Variants in FARP1 observed in about 807,000 individuals in gnomAD.
FARP1 encodes the protein FERM, ARH/RhoGEF and pleckstrin domain protein 1, also known as FERM, ARHGEF and pleckstrin domain-containing protein 1.
Under a neutral mutation model 128.8 loss-of-function variants are expected in FARP1, and 52 were observed. That is an observed-to-expected ratio of 0.40 (90% CI 0.32 to 0.51). The LOEUF (loss-of-function observed/expected upper bound fraction) is 0.51, where lower values mean the gene tolerates loss of function less well. FARP1 is among the 20% of genes least tolerant of loss of function. The probability of loss-of-function intolerance (pLI) is 0.45; values close to 1 mark genes in which losing one functional copy is unlikely to be tolerated. For synonymous variants in FARP1, 580 were observed against 551.8 expected (o/e 1.05, Z -0.72); for missense variants, 1,333 against 1,367.9 (o/e 0.97, Z 0.40).
At chr13:98,447,020 T>TA in intron 26 of FARP1, 5 of 559,760 alleles carry the variant, frequency 8.9e-6, no homozygotes, top group Non-Finnish European at 1.3e-5. Context: ...CCTGCGCCCT[T>TA]ACCCTGCACG....
intron 1 of FARP1, among the ~76,000 whole-genome samples, chr13:98,192,546 C>T (rs555127994): frequency 5.9e-5 from 9 of 152,218 alleles, no homozygotes; most frequent in South Asian, 2.1e-4. Context: ...TCTGCTACGA[C>T]GCCTGGGTAA....
chr13:98,359,820 C>T (rs1338766013), intron 3 of FARP1, among the ~76,000 whole-genome samples: 5 of 152,200 alleles, frequency 3.3e-5, no homozygotes, highest in Non-Finnish European at 5.9e-5. Context: ...ATGATGCTCA[C>T]ACAATGCCAA....
At position 98,389,994 on chromosome 13, in the gene FARP1, G is replaced by A; in HGVS notation, c.893G>A (p.Ser298Asn). The change falls in exon 10 of 27, where the codon AGT (serine) becomes AAT (asparagine). Residue 298 changes from serine (S) to asparagine (N), a missense_variant. Physicochemically the swap from Ser to Asn is conservative, Grantham distance 46. Around this residue, in one of 2 missense-constraint regions of FARP1, gnomAD observed 324 missense variants for 398.1 expected, o/e 0.81. Transcript: ENST00000319562. Reference sequence around the variant, plus strand: ...GATACCTTGGAATTCCTGATGGCCAGTCGGGATTTCTGCAAGTCCTTCTGG... The same window carrying A: ...GATACCTTGGAATTCCTGATGGCCAATCGGGATTTCTGCAAGTCCTTCTGG... ...YQDTLEFLMA[S>N]RDFCKSFWKI... The A allele has an allele frequency of 1.9e-6, 3 of 1,614,188 alleles. No individual in the cohort carries two copies. The highest frequency in any genetic ancestry group is 2.5e-6 in the Non-Finnish European group (3 of 1,180,032).
In FARP1 at chr13:98,425,966, G is replaced by C. The variant is rs554545610; in HGVS notation, c.1905+1316G>C. On this transcript the variant is annotated intron_variant, in intron 17 of 26. Coordinates refer to ENST00000319562, the MANE Select transcript of FARP1 (RefSeq NM_005766.4). Reference sequence around the variant, plus strand: ...CCTGAATCTTAACTGCCCAGAGCCTGTATGACAACCTTAAAAACTAATAAC... The same window carrying C: ...CCTGAATCTTAACTGCCCAGAGCCTCTATGACAACCTTAAAAACTAATAAC... Among the ~76,000 whole-genome samples the C allele has an allele frequency of 3.4e-4, 52 of 152,218 alleles. No individual in the cohort carries two copies. The South Asian group carries it at 0.01, about 30-fold the overall frequency.
intron 19 of FARP1, 107 bp from the exon 20 acceptor site, chr13:98,438,697 G>C: frequency 2.3e-6 from 2 of 859,020 alleles, no homozygotes; most frequent in Non-Finnish European, 3.9e-6. Context: ...CACGCTCGCA[G>C]TCAGCCCTCA....
intron 2 of FARP1, among the ~76,000 whole-genome samples, chr13:98,306,777 G>A (rs556568364): frequency 1.2e-4 from 19 of 152,164 alleles, no homozygotes; most frequent in South Asian, 1.0e-3. Context: ...TCCTATGTTG[G>A]CCTCCCAAAG....
intron 3 of FARP1, 132 bp from the exon 4 acceptor site, chr13:98,365,263 G>T: frequency 3.2e-6 from 2 of 629,898 alleles, no homozygotes; most frequent in East Asian, 2.6e-5. Context: ...CGGCATTCTG[G>T]AGAAAAATGG....
chr13:98,248,430 T>A (rs1309558580), intron 2 of FARP1, among the ~76,000 whole-genome samples: 1 of 152,162 alleles, frequency 6.6e-6, no homozygotes, highest in African/African-American at 2.4e-5. Context: ...CATAATACAG[T>A]ATCCTTTTAT....
intron 2 of FARP1, among the ~76,000 whole-genome samples, chr13:98,237,637 T>C (rs542953052): frequency 6.6e-6 from 1 of 152,348 alleles, no homozygotes; most frequent in East Asian, 1.9e-4. Flanking sequence ...AGTGCAATAC[T>C]GTAAACTTTG....
At chr13:98,257,278 G>A (rs1438922810) in intron 2 of FARP1, among the ~76,000 whole-genome samples, 3 of 152,058 alleles carry the variant, frequency 2.0e-5, no homozygotes, top group Non-Finnish European at 4.4e-5. Context: ...ATGTGTTCTG[G>A]AAGCTTTTGG....
intron 2 of FARP1, among the ~76,000 whole-genome samples, chr13:98,289,447 C>T (rs1885348140): frequency 1.3e-5 from 2 of 152,096 alleles, no homozygotes; most frequent in South Asian, 2.1e-4. Flanking sequence ...CATCTATTTC[C>T]AATGATAGAT....
rs1889977381 is a variant in FARP1 at position 98,383,709 on chromosome 13, T to C, written c.497-1021T>C. The C allele has an allele frequency of 2.0e-5, 3 of 152,314 alleles. No individual in the cohort carries two copies. In the South Asian group the frequency reaches 6.2e-4, roughly 32 times the overall value. 9.4% of individuals were successfully genotyped at this position (152,314 alleles called of 1,614,324 possible). ...GTGTGCTGTCTCAGAGGTGTAACAA[T>C]TGGTGTACATTGACCTTGAACTAGT... On this transcript the variant is annotated intron_variant, in intron 6 of 26. Coordinates refer to ENST00000319562, the MANE Select transcript of FARP1 (RefSeq NM_005766.4).
chr13:98,202,669 A>G (rs1320932179), intron 1 of FARP1, among the ~76,000 whole-genome samples: 1 of 152,130 alleles, frequency 6.6e-6, no homozygotes, highest in Non-Finnish European at 1.5e-5. Flanking sequence ...AGTAGATTAA[A>G]TTAAAAATTG....
Position 98,431,141 on chromosome 13 carries a change from T to C in FARP1, c.2004T>C (p.Phe668=). 6.2e-7 allele frequency: 1 copy of C among 1,614,020 alleles called. No homozygotes were observed. Among genetic ancestry groups the C allele is most frequent in the Non-Finnish European group, 8.5e-7 (1 of 1,179,894 alleles). The change falls in exon 18 of 27, where the codon TTT becomes TTC. Residue 668 remains phenylalanine (F), a synonymous_variant. Coordinates refer to ENST00000319562, the MANE Select transcript of FARP1 (RefSeq NM_005766.4). ...SRRLENFCRD[F]ELQKVCYLPL... ...GGCTGGAGAACTTCTGCAGAGACTT[T>C]GAGCTGCAGAAGGTGTGTTACCTAC...
chr13:98,171,387 G>A (rs1877643136), intron 1 of FARP1, among the ~76,000 whole-genome samples: 3 of 152,180 alleles, frequency 2.0e-5, no homozygotes, highest in Admixed American at 2.0e-4. Flanking sequence ...CATTCAGCAT[G>A]AGCCTCCTGG....
rs777961559 is a variant in FARP1, at chr13:98,440,706, C to T, written c.2666C>T (p.Ser889Leu). ...PDEATAADQE[S>L]EDDLSASRTS... ...GAAGCCACCGCGGCTGACCAGGAGT[C>T]AGAGGATGACCTGAGCGCCTCGCGC... Residue 889 changes from serine (S) to leucine (L), a missense_variant, in exon 24 of 27, where the codon TCA (serine) becomes TTA (leucine). Coordinates refer to ENST00000319562, the MANE Select transcript of FARP1 (RefSeq NM_005766.4). 1.9e-6 allele frequency: 3 copies of T among 1,613,454 alleles called. No homozygotes were observed. The highest frequency in any genetic ancestry group is 2.2e-5 in the East Asian group (1 of 44,886).
At chr13:98,186,370 A>T (rs1020125395) in intron 1 of FARP1, among the ~76,000 whole-genome samples, 2 of 151,996 alleles carry the variant, frequency 1.3e-5, no homozygotes, top group Non-Finnish European at 2.9e-5. Flanking sequence ...GACCTCCCAA[A>T]GTGCTGGGAT....
chr13:98,282,211 GA>G, intron 2 of FARP1, among the ~76,000 whole-genome samples: 1 of 152,254 alleles, frequency 6.6e-6, no homozygotes, highest in East Asian at 1.9e-4. Context: ...GGCTGAGGTG[GA>G]AGGGTCACCT....
At chr13:98,283,332 G>A (rs1253018727) in intron 2 of FARP1, among the ~76,000 whole-genome samples, 1 of 152,178 alleles carries the variant, frequency 6.6e-6, no homozygotes, top group East Asian at 1.9e-4. Context: ...AAAATTACTT[G>A]GGTTTTGTCT....
Sources: gnomAD v4.1 joint callset for allele counts (sites outside exome capture counted in the v4.1 genomes callset) on GRCh38, gnomAD v4.1.1 for gene constraint, gnomAD v4.1.1 regional missense constraint, MANE v1.5 for transcripts, NCBI Gene and HGNC (gene_info 2026-07-23, HGNC 2026-07-21) for gene names.